Variants in MYO7B observed in about 807,000 individuals in gnomAD.
MYO7B encodes the protein unconventional myosin-VIIb.
In MYO7B, 212 loss-of-function variants were observed where a neutral mutation model predicts 259.7. The ratio of observed to expected loss-of-function variants is 0.82; its 90% CI spans 0.73 to 0.91. The LOEUF (loss-of-function observed/expected upper bound fraction) is 0.91. MYO7B is among the 40% of genes least tolerant of loss of function. The probability of loss-of-function intolerance (pLI) is 0.00; values close to 1 mark genes in which losing one functional copy is unlikely to be tolerated. For synonymous variants in MYO7B, 1,197 were observed against 1,166.4 expected, an observed-to-expected ratio of 1.03 and a Z score of -0.54; for missense variants, 2,732 against 2,813.5, an observed-to-expected ratio of 0.97 and a Z score of 0.66.
chr2:127,629,218 C>T (rs1023141900), intron 34 of MYO7B, among the ~76,000 whole-genome samples: 10 of 152,308 alleles, frequency 6.6e-5, no homozygotes, highest in Middle Eastern at 6.8e-3. Context: ...GCTGCCCTAT[C>T]GCCCCATTCA....
At chr2:127,610,267 C>CT (rs1240819302) in intron 24 of MYO7B, among the ~76,000 whole-genome samples, 6 of 152,146 alleles carry the variant, frequency 3.9e-5, no homozygotes, top group Non-Finnish European at 7.3e-5. Context: ...GCCCTGGACT[C>CT]TGAGTATTGG....
At chr2:127,635,303 G>GCAGGC in intron 43 of MYO7B, 77 bp downstream of exon 43, 1 of 1,355,682 alleles carries the variant, frequency 7.4e-7, no homozygotes, top group Admixed American at 1.9e-5. Context: ...GTAGAAGCCA[G>GCAGGC]CAGGCCAGGG....
intron 1 of MYO7B, among the ~76,000 whole-genome samples, chr2:127,547,210 A>G (rs1003699642): frequency 6.6e-6 from 1 of 152,196 alleles, no homozygotes; most frequent in Admixed American, 6.5e-5. Context: ...TTTACTCAGC[A>G]AGCATGTCCT....
At position 127,624,057 on chromosome 2, in the gene MYO7B, C is replaced by T. The variant is rs777511176; in HGVS notation, c.3820-36C>T. ...CGTCCCCGTGGGGTGGGGCATGCAA[C>T]AGCCGCTAACCCCTGCTCCCCGACT... On this transcript the variant is annotated intron_variant, in intron 29 of 47. Coordinates refer to ENST00000409816, the MANE Select transcript of MYO7B (RefSeq NM_001393586.1). The T allele has an allele frequency of 1.6e-5, 25 of 1,522,164 alleles. 2 individuals carry two copies. The highest frequency in any genetic ancestry group is 1.5e-4 in the South Asian group (12 of 82,636). The allele number at this position is 1,522,164 out of a possible 1,614,324, so 94.3% of individuals were successfully genotyped here.
chr2:127,584,452 G>A lies in MYO7B; in HGVS notation c.1554+120G>A, dbSNP rs992092758. 9.1e-7 allele frequency: 1 copy of A among 1,094,020 alleles called. No homozygotes were observed. The highest frequency in any genetic ancestry group is 1.3e-6 in the Non-Finnish European group (1 of 764,994). The allele number at this position is 1,094,020 out of a possible 1,614,324, so 67.8% of individuals were successfully genotyped here. On this transcript the variant is annotated intron_variant, in intron 13 of 47. Transcript: ENST00000409816. The surrounding 1 kb of genome is among the most constrained non-coding windows in gnomAD (Gnocchi z 5.8). ...TGAGAGTCACTAAAACCTCTGCCAG[G>A]AATAAGCAGAAGAGCCTCAGTCTAA... is the stretch of plus-strand genomic sequence containing the variant.
At position 127,576,534 on chromosome 2, in the gene MYO7B, G is replaced by A; in HGVS notation, c.736-61G>A. 9.3e-7 allele frequency: 1 copy of A among 1,077,394 alleles called. No individual in the cohort carries two copies. Among genetic ancestry groups the A allele is most frequent in the Non-Finnish European group, 1.3e-6 (1 of 743,980 alleles). 66.7% of individuals were successfully genotyped at this position (1,077,394 alleles called of 1,614,324 possible). ...CTGGGCTGGGCAGAGGCAGTCTGAG[G>A]CCCTGAGGCCTCAGGGGAATGGCTC... On this transcript the variant is annotated intron_variant, in intron 7 of 47. Transcript: ENST00000409816. This position sits in a 1 kb window ranked among gnomAD's most constrained non-coding sequence, Gnocchi z 4.9.
chr2:127,620,281 C>T (rs1237565614), intron 26 of MYO7B, 59 bp from the exon 27 acceptor site: 1 of 1,555,980 alleles, frequency 6.4e-7, no homozygotes, highest in East Asian at 2.3e-5. Flanking sequence ...CCCAGGTACC[C>T]CTGTCTCCTC....
rs779875467 is a variant in MYO7B, at chr2:127,607,326, C to T, written c.2545C>T (p.Arg849Cys). ...LQALCRGYLVRQQVQAKRRAV... is the reference protein window; with the variant it reads ...LQALCRGYLVCQQVQAKRRAV... Reference sequence around the variant, plus strand: ...GGCCCTGTGCAGGGGATACCTGGTGCGCCAGCAAGTCCAGGCCAAGAGGAG... The same window carrying T: ...GGCCCTGTGCAGGGGATACCTGGTGTGCCAGCAAGTCCAGGCCAAGAGGAG... The change falls in exon 21 of 48, where the codon CGC (arginine) becomes TGC (cysteine). Residue 849 changes from arginine to cysteine, a missense_variant. Physicochemically the swap from Arg to Cys is radical, Grantham distance 180. Coordinates refer to ENST00000409816, the MANE Select transcript of MYO7B (RefSeq NM_001393586.1). This position sits in a 1 kb window ranked among gnomAD's most constrained non-coding sequence, Gnocchi z 4.4. The T allele has an allele frequency of 2.4e-5, 38 of 1,551,284 alleles. No individual in the cohort carries two copies. The highest frequency in any genetic ancestry group is 4.9e-5 in the East Asian group (2 of 40,942).
intron 20 of MYO7B, among the ~76,000 whole-genome samples, chr2:127,606,349 G>T (rs751090980): frequency 6.6e-5 from 10 of 152,206 alleles, no homozygotes; most frequent in Non-Finnish European, 1.3e-4. Context: ...ATGAACTAGA[G>T]CAACCATGGC....
chr2:127,584,137 C>T lies in MYO7B; in HGVS notation c.1359C>T (p.Cys453=). The T allele has an allele frequency of 6.2e-7, 1 of 1,613,374 alleles. No individual in the cohort carries two copies. The highest frequency in any genetic ancestry group is 1.1e-5 in the South Asian group (1 of 90,948). Residue 453 remains cysteine (C), a synonymous_variant, in exon 13 of 48, where the codon TGC becomes TGT. Coordinates refer to ENST00000409816, the MANE Select transcript of MYO7B (RefSeq NM_001393586.1). The surrounding 1 kb of genome is among the most constrained non-coding windows in gnomAD (Gnocchi z 5.8). ...GCCTCCACAGCTTCGAGCAGCTCTG[C>T]ATCAACTTCGCCAACGAGCACCTGC... ...NFENNSFEQL[C]INFANEHLQQ...
At chr2:127,610,390 A>C (rs1223558407) in intron 24 of MYO7B, among the ~76,000 whole-genome samples, 4 of 152,142 alleles carry the variant, frequency 2.6e-5, no homozygotes, top group African/African-American at 4.8e-5. Context: ...AGGTGGGCCA[A>C]CCCTACAAGG....
At chr2:127,571,448 T>TTTTTGTTTTTTTTTTTTTG (rs1328645587) in intron 6 of MYO7B, among the ~76,000 whole-genome samples, 2 of 143,274 alleles carry the variant, frequency 1.4e-5, no homozygotes, top group Non-Finnish European at 3.0e-5. Context: ...GTGAGTTTTT[T>TTTTTGTTTTTTTTTTTTTG]TTTTTTTTTT....
rs1045209301 is a variant in MYO7B, at chr2:127,586,448, G to C, written c.1690+1535G>C. On this transcript the variant is annotated intron_variant, in intron 14 of 47. Coordinates refer to ENST00000409816, the MANE Select transcript of MYO7B (RefSeq NM_001393586.1). The surrounding 1 kb of genome is among the most constrained non-coding windows in gnomAD (Gnocchi z 4.8). ...ACAGGAATCCAGGGATGATTCTTTT[G>C]AGTAGAGGGTGATCATTTAGTCAGA... is the stretch of plus-strand genomic sequence containing the variant. 2.6e-5 allele frequency among the ~76,000 whole-genome samples: 4 copies of C among 152,146 alleles called. No individual in the cohort carries two copies. Among genetic ancestry groups the C allele is most frequent in the African/African-American group, 9.7e-5 (4 of 41,434 alleles).
intron 11 of MYO7B, 78 bp from the exon 12 acceptor site, chr2:127,582,226 G>A (rs1679130958): frequency 2.6e-6 from 4 of 1,555,938 alleles, no homozygotes; most frequent in Non-Finnish European, 3.5e-6. Context: ...AAGACATTCG[G>A]CCTCTCCAGG....
chr2:127,555,796 A>T (rs1233933556), intron 1 of MYO7B, among the ~76,000 whole-genome samples: 1 of 152,094 alleles, frequency 6.6e-6, no homozygotes, highest in Non-Finnish European at 1.5e-5. Flanking sequence ...AAATTTATTG[A>T]GACTTGTTTT....
rs1678753936 is a variant in MYO7B, at chr2:127,573,993, C to A, written c.666C>A (p.Asn222Lys). Reference sequence around the variant, plus strand: ...GGAAGTACATTGACATCTACTTTAACCCCAGCGGGGTGATCGAGGGCGCGC... The same window carrying A: ...GGAAGTACATTGACATCTACTTTAAACCCAGCGGGGTGATCGAGGGCGCGC... ...RFGKYIDIYF[N>K]PSGVIEGARI... The change falls in exon 7 of 48, where the codon AAC becomes AAA. Residue 222 changes from asparagine (N) to lysine (K), a missense_variant. By Grantham distance (94) the Asn-to-Lys change is moderately conservative. Coordinates refer to ENST00000409816, the MANE Select transcript of MYO7B (RefSeq NM_001393586.1). The A allele has an allele frequency of 6.2e-7, 1 of 1,614,060 alleles. No homozygotes were observed. Among genetic ancestry groups the A allele is most frequent in the Non-Finnish European group, 8.5e-7 (1 of 1,179,904 alleles).
chr2:127,557,466 T>TA lies in MYO7B; in HGVS notation c.-23-2227dup, dbSNP rs911296843. On this transcript the variant is annotated intron_variant, in intron 1 of 47. Coordinates refer to ENST00000409816, the MANE Select transcript of MYO7B (RefSeq NM_001393586.1). The stretch of plus-strand genomic sequence containing the variant: ...AGCTAGTGTGATTTTTTGGGGGTTT[T>TA]AAAAAAACCCTCATTTTGTCATATT... Among the ~76,000 whole-genome samples, 45 of 152,162 alleles carry TA rather than the reference T, an allele frequency of 3.0e-4. No individual in the cohort carries two copies. The Middle Eastern group carries it at 0.01, about 35-fold the overall frequency.
chr2:127,543,752 A>T lies in MYO7B; in HGVS notation c.-24+7921A>T, dbSNP rs557555891. Among the ~76,000 whole-genome samples, 168 of 143,002 alleles carry T rather than the reference A, an allele frequency of 1.2e-3. No homozygotes were observed. The East Asian group carries it at 0.012, about 10-fold the overall frequency. The allele number at this position is 143,002 out of a possible 152,430, so 93.8% of individuals were successfully genotyped here. On this transcript the variant is annotated intron_variant, in intron 1 of 47. Transcript: ENST00000409816. ...TTTCTCTCTCTCCATATATATATAT[A>T]TTTTTTTTTTGAGACCGAGTCTCGC...
At chr2:127,582,225 G>A (rs140855010) in intron 11 of MYO7B, 79 bp from the exon 12 acceptor site, 7 of 1,553,626 alleles carry the variant, frequency 4.5e-6, no homozygotes, top group African/African-American at 2.7e-5. Flanking sequence ...CAAGACATTC[G>A]GCCTCTCCAG....
Sources: gnomAD v4.1 joint callset for allele counts (sites outside exome capture counted in the v4.1 genomes callset) on GRCh38, gnomAD v4.1.1 for gene constraint, Gnocchi (gnomAD v3.1) non-coding constraint, MANE v1.5 for transcripts, NCBI Gene and HGNC (gene_info 2026-07-23, HGNC 2026-07-21) for gene names.